The following CD226 variants were observed in gnomAD, a reference collection of about 807,000 sequenced individuals.
CD226 encodes the protein CD226 molecule.
A neutral mutation model predicts 34.9 loss-of-function variants in CD226; 24 were observed. The observed-to-expected ratio is 0.69, with a 90% CI of 0.50 to 0.97. CD226 has a LOEUF of 0.97. Ranked by LOEUF, CD226 falls within the 50% of genes least tolerant of loss-of-function variation. The probability of loss-of-function intolerance (pLI) is 0.00; values close to 1 mark genes in which losing one functional copy is unlikely to be tolerated. For missense variants in CD226, 397 were observed against 412.7 expected (o/e 0.96, Z 0.33); for synonymous variants, 148 against 147.4 (o/e 1.00, Z -0.03).
intron 3 of CD226, among the ~76,000 whole-genome samples, chr18:69,893,247 CA>C (rs1400596769): frequency 2.0e-5 from 3 of 152,210 alleles, no homozygotes; most frequent in Non-Finnish European, 2.9e-5. Flanking sequence ...CTGTTCAAAA[CA>C]CATGGACACT....
intron 2 of CD226, among the ~76,000 whole-genome samples, chr18:69,931,519 T>C (rs1396955605): frequency 1.3e-5 from 2 of 152,072 alleles, no homozygotes; most frequent in African/African-American, 4.8e-5. Context: ...AATAACTAAG[T>C]GTACTAATTC....
chr18:69,871,251 G>A (rs1254235841), intron 4 of CD226, among the ~76,000 whole-genome samples: 1 of 152,222 alleles, frequency 6.6e-6, no homozygotes, highest in Non-Finnish European at 1.5e-5. Flanking sequence ...AAAAGTGGAA[G>A]AGTCCGTGGT....
Position 69,895,851 on chromosome 18 carries a change from T to C in CD226, c.577A>G (p.Arg193Gly), listed in dbSNP as rs545948023. 44 of 1,614,172 alleles carry C rather than the reference T, an allele frequency of 2.7e-5. No individual in the cohort carries two copies. The highest frequency in any genetic ancestry group is 3.3e-5 in the Non-Finnish European group (39 of 1,180,034). ...TGGCTGCAGTTGCTCACTATTTGTC[T>C]TGGGAACTTGGAGGTGAAATTTCTG... is the stretch of plus-strand genomic sequence containing the variant. ...HGRNFTSKFP[R>G]QIVSNCSHGR... Residue 193 changes from arginine (R) to glycine (G), a missense_variant, in exon 3 of 6, where the codon AGA becomes GGA. Arg to Gly is a moderately radical substitution (Grantham distance 125). Transcript: ENST00000582621.
At chr18:69,939,551 C>T (rs1213173949) in intron 2 of CD226, among the ~76,000 whole-genome samples, 1 of 152,156 alleles carries the variant, frequency 6.6e-6, no homozygotes, top group Admixed American at 6.5e-5. Flanking sequence ...CTATTGCAAT[C>T]ACTGTTGCTA....
chr18:69,877,501 GC>G (rs1481428189), intron 3 of CD226, among the ~76,000 whole-genome samples: 1 of 152,110 alleles, frequency 6.6e-6, no homozygotes, highest in Non-Finnish European at 1.5e-5. Context: ...ATGGGACTGG[GC>G]AAAAAGCATA....
intron 2 of CD226, among the ~76,000 whole-genome samples, chr18:69,945,508 CT>C (rs1311381271): frequency 2.0e-5 from 3 of 152,158 alleles, no homozygotes; most frequent in Non-Finnish European, 4.4e-5. Flanking sequence ...GACACCACAG[CT>C]CACAATTTAT....
chr18:69,895,537 C>T (rs1413270477), intron 3 of CD226, among the ~76,000 whole-genome samples, 164 bp downstream of exon 3: 5 of 151,914 alleles, frequency 3.3e-5, no homozygotes, highest in African/African-American at 1.2e-4. Context: ...ATAAAGAAAC[C>T]CTCAATACTA....
At chr18:69,877,547 G>C (rs1419423552) in intron 3 of CD226, among the ~76,000 whole-genome samples, 3 of 152,160 alleles carry the variant, frequency 2.0e-5, no homozygotes. Context: ...CCAGACTTTA[G>C]ATATGGGGTG....
At position 69,861,555 on chromosome 18, in the gene CD226, T is replaced by TATATATATATATAC. The variant is rs1982828118; in HGVS notation, c.*2758_*2759insGTATATATATATAT. On this transcript the variant is annotated 3_prime_UTR_variant, in exon 6 of 6. Transcript: ENST00000582621. ...TAAATTATATGTGTATATATATATG[T>TATATATATATATAC]ATATATATATATATATATGTAAAAC... is the stretch of plus-strand genomic sequence containing the variant. The TATATATATATATAC allele has an allele frequency of 2.6e-4, 1 of 3,868 alleles. No homozygotes were observed. Among genetic ancestry groups the TATATATATATATAC allele is most frequent in the Admixed American group, 5.2e-3 (1 of 192 alleles). The allele number at this position is 3,868 out of a possible 1,614,324, so 0.2% of individuals were successfully genotyped here. A position where few individuals can be genotyped will look rare whatever the true frequency, so the allele number is the denominator to read the frequency against.
intron 3 of CD226, among the ~76,000 whole-genome samples, chr18:69,887,767 C>T (rs1260959860): frequency 1.3e-5 from 2 of 152,046 alleles, no homozygotes; most frequent in Admixed American, 1.3e-4. Context: ...TGAGTTCTAC[C>T]AAAGTTAAAA....
intron 2 of CD226, among the ~76,000 whole-genome samples, chr18:69,919,115 A>G (rs2055420479): frequency 6.6e-6 from 1 of 152,246 alleles, no homozygotes; most frequent in Non-Finnish European, 1.5e-5. Context: ...AAACTGAGAA[A>G]AAGGTTAACA....
At chr18:69,898,100 A>T (rs940199423) in intron 2 of CD226, among the ~76,000 whole-genome samples, 1 of 152,240 alleles carries the variant, frequency 6.6e-6, no homozygotes, top group Non-Finnish European at 1.5e-5. Context: ...AAATTAAAAT[A>T]AAAATTAAAA....
intron 2 of CD226, among the ~76,000 whole-genome samples, chr18:69,897,199 A>G (rs113679294): frequency 3.2e-4 from 49 of 152,306 alleles, no homozygotes; most frequent in African/African-American, 1.2e-3. Context: ...AATTTTGCTC[A>G]ATATTGATTT....
intron 1 of CD226, among the ~76,000 whole-genome samples, chr18:69,955,304 C>G (rs972525938): frequency 1.3e-5 from 2 of 152,156 alleles, no homozygotes; most frequent in Non-Finnish European, 2.9e-5. Context: ...CTCAATGACC[C>G]CACCTTCCCC....
rs148519819 is a variant in CD226, at chr18:69,905,876, C to T, written c.383-9831G>A. 5.5e-3 allele frequency among the ~76,000 whole-genome samples: 834 copies of T among 152,322 alleles called. 9 individuals carry two copies. Among genetic ancestry groups the T allele is most frequent in the Non-Finnish European group, 8.5e-3 (578 of 68,036 alleles). On this transcript the variant is annotated intron_variant, in intron 2 of 5. Coordinates refer to ENST00000582621, the MANE Select transcript of CD226 (RefSeq NM_001303618.2). Reference sequence around the variant, plus strand: ...AGTTTCAGAAGCAGCTATTGCCCGACGGTGCTCACCAAGGTCTGTCAAAGA... The same window carrying T: ...AGTTTCAGAAGCAGCTATTGCCCGATGGTGCTCACCAAGGTCTGTCAAAGA...
chr18:69,929,207 CAT>C (rs1232852105), intron 2 of CD226, among the ~76,000 whole-genome samples: 2 of 152,188 alleles, frequency 1.3e-5, no homozygotes, highest in African/African-American at 4.8e-5. Flanking sequence ...TCCAGATGTG[CAT>C]ATGAGTGTTT....
chr18:69,874,555 C>T (rs1024289369), intron 3 of CD226, among the ~76,000 whole-genome samples: 1 of 152,180 alleles, frequency 6.6e-6, no homozygotes, highest in African/African-American at 2.4e-5. Flanking sequence ...GAAATCAAAG[C>T]TTGAATGTTT....
At position 69,858,747 on chromosome 18, in the gene CD226, T is replaced by TTTTTTTTG. The variant is rs1982687811; in HGVS notation, c.*5566_*5567insCAAAAAAA. The TTTTTTTTG allele has an allele frequency of 7.4e-6, 1 of 135,116 alleles. No homozygotes were observed. 8.4% of individuals were successfully genotyped at this position (135,116 alleles called of 1,614,324 possible). ...TTTTTTTTTTTTTTTTTTTTTTTTT[T>TTTTTTTTG]GAGACGGAGTCTCGCTCTGTTGCCC... is the stretch of plus-strand genomic sequence containing the variant. On this transcript the variant is annotated 3_prime_UTR_variant, in exon 6 of 6. Transcript: ENST00000582621.
At chr18:69,887,577 A>G (rs1010696742) in intron 3 of CD226, among the ~76,000 whole-genome samples, 1 of 152,164 alleles carries the variant, frequency 6.6e-6, no homozygotes, top group Non-Finnish European at 1.5e-5. Context: ...TCATCACAAT[A>G]AGGTTTTTTT....
Sources: gnomAD v4.1 joint callset for allele counts (sites outside exome capture counted in the v4.1 genomes callset) on GRCh38, gnomAD v4.1.1 for gene constraint, MANE v1.5 for transcripts, NCBI Gene and HGNC (gene_info 2026-07-23, HGNC 2026-07-21) for gene names.